MED23: variants seen among roughly 807,000 people sequenced by gnomAD.
MED23 encodes the protein mediator of RNA polymerase II transcription subunit 23.
MED23 carries 105 observed loss-of-function variants against 163.9 expected under a neutral mutation model. The ratio of observed to expected loss-of-function variants is 0.64; its 90% CI spans 0.55 to 0.75. MED23 has a LOEUF of 0.75. Ranked by LOEUF, MED23 falls within the 30% of genes least tolerant of loss-of-function variation. MED23 has a pLI of 0.00. For missense variants in MED23, 1,054 were observed against 1,649.0 expected, an observed-to-expected ratio of 0.64 and a Z score of 6.25; for synonymous variants, 561 against 565.6, an observed-to-expected ratio of 0.99 and a Z score of 0.12.
intron 3 of MED23, 131 bp downstream of exon 3, chr6:131,627,265 A>G (rs1777569566): frequency 4.0e-6 from 3 of 747,196 alleles, no homozygotes; most frequent in Non-Finnish European, 6.8e-6. Flanking sequence ...ATAAAAAATG[A>G]TAACAATTTT....
At position 131,590,239 on chromosome 6, in the gene MED23, CA is replaced by C. The variant is rs1435845926; in HGVS notation, c.3807+82del. ...TTTCACTACTAATGGTTGTGACCTG[CA>C]GTTTCAATAACACTGGTAAAGAAAC... On this transcript the variant is annotated intron_variant, in intron 27 of 28. Transcript: ENST00000368068. 3.1e-6 allele frequency: 4 copies of C among 1,276,578 alleles called. No individual in the cohort carries two copies. In the African/African-American group the frequency reaches 5.9e-5, roughly 19 times the overall value. The allele number at this position is 1,276,578 out of a possible 1,614,324, so 79.1% of individuals were successfully genotyped here. A position where few individuals can be genotyped will look rare whatever the true frequency, so the allele number is the denominator to read the frequency against.
chr6:131,625,068 T>A, intron 3 of MED23, 79 bp from the exon 4 acceptor site: 1 of 1,432,194 alleles, frequency 7.0e-7, no homozygotes. Context: ...CAACTGGAAG[T>A]ATACCAATAC....
At chr6:131,588,457 C>T (rs1250295210) in intron 28 of MED23, among the ~76,000 whole-genome samples, 1 of 152,082 alleles carries the variant, frequency 6.6e-6, no homozygotes, top group Admixed American at 6.5e-5. Context: ...TTCTGTACTC[C>T]CTTGTGTTAA....
intron 27 of MED23, 83 bp downstream of exon 27, chr6:131,590,239 C>A: frequency 7.8e-7 from 1 of 1,276,696 alleles, no homozygotes; most frequent in Non-Finnish European, 1.1e-6. Flanking sequence ...TTGTGACCTG[C>A]AGTTTCAATA....
At chr6:131,615,066 C>CAAAAAAAAAAA (rs5880072) in intron 10 of MED23, among the ~76,000 whole-genome samples, 35 of 68,224 alleles carry the variant, frequency 5.1e-4, no homozygotes, top group East Asian at 8.5e-4. Flanking sequence ...TCTTTGTTAC[C>CAAAAAAAAAAA]AAAAAAAAAA....
At chr6:131,586,426 G>A (rs1774186130), downstream of MED23, among the ~76,000 whole-genome samples, 1 of 151,366 alleles carries the variant, frequency 6.6e-6, no homozygotes, top group Non-Finnish European at 1.5e-5. Flanking sequence ...AAAAGAGTAA[G>A]TCTGCAAAAA....
At chr6:131,582,681 T>C, downstream of MED23, 1 of 1,613,874 alleles carries the variant, frequency 6.2e-7, no homozygotes, top group Non-Finnish European at 8.5e-7. Context: ...GGATATTGTG[T>C]ATATTGGCTT....
chr6:131,598,164 C>T lies in MED23; in HGVS notation c.2607+123G>A. The T allele has an allele frequency of 1.0e-6, 1 of 980,764 alleles. No homozygotes were observed. The allele number at this position is 980,764 out of a possible 1,614,324, so 60.8% of individuals were successfully genotyped here. ...TTCCGGCTCTTTAGGGAAGTGACAG[C>T]AATGCTTGATATAGTATAAATTCAT... On this transcript the variant is annotated intron_variant, in intron 20 of 28. Transcript: ENST00000368068. This position sits in a 1 kb window ranked among gnomAD's most constrained non-coding sequence, Gnocchi z 4.7.
chr6:131,602,515 A>G, intron 16 of MED23, 134 bp from the exon 17 acceptor site: 1 of 785,008 alleles, frequency 1.3e-6, no homozygotes, highest in Non-Finnish European at 2.0e-6. Context: ...GTGTGAGAAT[A>G]AATGTTGCTT....
Position 131,623,564 on chromosome 6 carries a change from T to C in MED23, c.285-102A>G, listed in dbSNP as rs564451090. The C allele has an allele frequency of 4.4e-5, 40 of 907,324 alleles. No homozygotes were observed. In the African/African-American group the frequency reaches 6.1e-4, roughly 14 times the overall value. 56.2% of individuals were successfully genotyped at this position (907,324 alleles called of 1,614,324 possible). A position where few individuals can be genotyped will look rare whatever the true frequency, so the allele number is the denominator to read the frequency against. ...GCTGTGTACTCACACAAATCTCATC[T>C]TGAATTGTAGTTCCCATAATCCCCA... On this transcript the variant is annotated intron_variant, in intron 4 of 28. Transcript: ENST00000368068.
Position 131,587,454 on chromosome 6 carries a change from T to C in MED23, c.*225A>G, listed in dbSNP as rs1774252787. 1.5e-6 allele frequency: 2 copies of C among 1,373,556 alleles called. No individual in the cohort carries two copies. Among genetic ancestry groups the C allele is most frequent in the Admixed American group, 3.1e-5 (1 of 32,644 alleles). 85.1% of individuals were successfully genotyped at this position (1,373,556 alleles called of 1,614,324 possible). On this transcript the variant is annotated 3_prime_UTR_variant, in exon 29 of 29. Coordinates refer to ENST00000368068, the MANE Select transcript of MED23 (RefSeq NM_004830.4). ...TAGCTCTAATAAGTTGTTATGAATA[T>C]GAACAACATGTATCTTACTTGATCT...
chr6:131,596,391 G>A (rs1020643228), intron 21 of MED23, 127 bp downstream of exon 21: 1 of 1,121,026 alleles, frequency 8.9e-7, no homozygotes, highest in Non-Finnish European at 1.3e-6. Context: ...AGTTCAGAGA[G>A]CTAACTTACT....
chr6:131,583,980 G>C, downstream of MED23: 1 of 1,536,374 alleles, frequency 6.5e-7, no homozygotes, highest in Non-Finnish European at 9.0e-7. Flanking sequence ...CTTAAGCATA[G>C]AGTTATCCTT....
At chr6:131,613,425 G>A (rs1419590699) in intron 10 of MED23, among the ~76,000 whole-genome samples, 1 of 152,154 alleles carries the variant, frequency 6.6e-6, no homozygotes, top group Non-Finnish European at 1.5e-5. Context: ...CAGCTCTTAA[G>A]GTTTCAAAAG....
chr6:131,584,134 T>G, downstream of MED23: 2 of 549,198 alleles, frequency 3.6e-6, no homozygotes, highest in South Asian at 4.3e-5. Flanking sequence ...AAAAGACTTA[T>G]CCTTAGAAAG....
At chr6:131,619,497 A>G (rs1458290635) in intron 8 of MED23, among the ~76,000 whole-genome samples, 1 of 152,230 alleles carries the variant, frequency 6.6e-6, no homozygotes, top group Non-Finnish European at 1.5e-5. Flanking sequence ...GTAGCCACAG[A>G]GGGACAGGTC....
At chr6:131,620,875 T>C (rs558436775) in intron 6 of MED23, 146 bp from the exon 7 acceptor site, 2 of 533,032 alleles carry the variant, frequency 3.8e-6, no homozygotes, top group Admixed American at 6.8e-5. Context: ...TAATCATGGC[T>C]CACTACATCT....
chr6:131,589,931 A>G (rs534129128), intron 27 of MED23, among the ~76,000 whole-genome samples: 1 of 152,292 alleles, frequency 6.6e-6, no homozygotes, highest in East Asian at 1.9e-4. Flanking sequence ...CCTTTGGATT[A>G]TACTTTCTTA....
chr6:131,602,881 A>G (rs1775588760), intron 16 of MED23, 149 bp downstream of exon 16: 1 of 810,058 alleles, frequency 1.2e-6, no homozygotes. Context: ...CCTATACTGG[A>G]AACAAAATAC....
Sources: gnomAD v4.1 joint callset for allele counts (sites outside exome capture counted in the v4.1 genomes callset) on GRCh38, gnomAD v4.1.1 for gene constraint, Gnocchi (gnomAD v3.1) non-coding constraint, MANE v1.5 for transcripts, NCBI Gene and HGNC (gene_info 2026-07-23, HGNC 2026-07-21) for gene names.